FGFRL1: variants seen among roughly 807,000 people sequenced by gnomAD.
FGFRL1 encodes the protein fibroblast growth factor receptor-like 1.
Under a neutral mutation model 36.8 loss-of-function variants are expected in FGFRL1, and 24 were observed. The ratio of observed to expected loss-of-function variants is 0.65; its 90% CI spans 0.47 to 0.92. The LOEUF is 0.92. FGFRL1 is among the 40% of genes least tolerant of loss of function. The pLI is 0.00. For missense variants in FGFRL1, 785 were observed against 753.4 expected (o/e 1.04, Z -0.49); for synonymous variants, 422 against 344.1 (o/e 1.23, Z -2.50).
rs370871387 is a variant in FGFRL1, at chr4:1,025,379, G to A, written c.*32G>A. On this transcript the variant is annotated 3_prime_UTR_variant, in exon 7 of 7. Transcript: ENST00000510644. ...CCGTATCTGCAGTGGGCACGGGGGG[G>A]CCGGCCAGACAGGCAGACTGGGAGG... 1.1e-4 allele frequency: 163 copies of A among 1,514,716 alleles called. 1 individual carries two copies. The African/African-American group carries it at 1.7e-3, about 16-fold the overall frequency. The allele number at this position is 1,514,716 out of a possible 1,614,324, so 93.8% of individuals were successfully genotyped here.
upstream of FGFRL1, among the ~76,000 whole-genome samples, chr4:1,011,544 C>G (rs1577551987): frequency 1.3e-5 from 1 of 75,896 alleles, no homozygotes; most frequent in South Asian, 4.5e-4. Context: ...GGGCGGGGCA[C>G]GGGGGAGGGC....
At position 1,024,052 on chromosome 4, in the gene FGFRL1, G is replaced by A. The variant is rs1262523414; in HGVS notation, c.669G>A (p.Val223=). 6.2e-7 allele frequency: 1 copy of A among 1,606,496 alleles called. No homozygotes were observed. Residue 223 remains valine (V), a synonymous_variant, in exon 5 of 7, where the codon GTG becomes GTA. Coordinates refer to ENST00000510644, the MANE Select transcript of FGFRL1 (RefSeq NM_001004356.3). ...ACAGCGGCAAATACACCTGCCGCGT[G>A]TCGAACCGCGCGGGCGCCATCAACG... ...PEDSGKYTCR[V]SNRAGAINAT...
In FGFRL1 at chr4:1,022,472, C is replaced by T. The variant is rs1205837913; in HGVS notation, c.349C>T (p.Leu117=). The change falls in exon 3 of 7, where the codon CTG becomes TTG. Residue 117 remains leucine, a synonymous_variant. Transcript: ENST00000510644. Reference sequence around the variant, plus strand: ...GAGCGTCAACTACACCCTCGTCGTGCTGGGTTAGTCGCTGCTGCGGTCAGA... The same window carrying T: ...GAGCGTCAACTACACCCTCGTCGTGTTGGGTTAGTCGCTGCTGCGGTCAGA... ...SLSVNYTLVV[L]DDISPGKESL... 6.3e-7 allele frequency: 1 copy of T among 1,595,422 alleles called. No individual in the cohort carries two copies. The highest frequency in any genetic ancestry group is 1.7e-5 in the Admixed American group (1 of 59,230).
At chr4:1,021,653 G>A (rs1716186436) in intron 2 of FGFRL1, among the ~76,000 whole-genome samples, 1 of 152,180 alleles carries the variant, frequency 6.6e-6, no homozygotes, top group Non-Finnish European at 1.5e-5. Context: ...GGATAGCTGT[G>A]GGGTCGCTGG....
rs758783277 is a variant in FGFRL1, at chr4:1,023,969, G to A, written c.586G>A (p.Ala196Thr). 7 of 1,598,672 alleles carry A rather than the reference G, an allele frequency of 4.4e-6. No homozygotes were observed. In the East Asian group the frequency reaches 6.8e-5, roughly 16 times the overall value. ...CGACCAGGCCTTGACGCGCCCAGAG[G>A]CCGCTGAGCCCAGGAAGAAGAAGTG... ...KDDQALTRPE[A>T]AEPRKKKWTL... is the part of the protein sequence containing the mutation. Residue 196 changes from alanine to threonine, a missense_variant, in exon 5 of 7, where the codon GCC becomes ACC. Physicochemically the swap from Ala to Thr is moderately conservative, Grantham distance 58. Transcript: ENST00000510644. This position sits in a 1 kb window ranked among gnomAD's most constrained non-coding sequence, Gnocchi z 6.0.
chr4:1,021,632 C>G (rs188933917), intron 2 of FGFRL1, among the ~76,000 whole-genome samples: 5 of 152,264 alleles, frequency 3.3e-5, no homozygotes, highest in South Asian at 2.1e-4. Flanking sequence ...CCGCCGTGCT[C>G]GGTTGCTTGT....
In FGFRL1 at chr4:1,025,768, A is replaced by T; in HGVS notation, c.*421A>T. On this transcript the variant is annotated 3_prime_UTR_variant, in exon 7 of 7. Transcript: ENST00000510644. ...ACGGATATGCTGTCTGGACGCACAC[A>T]CGTGCAGATATGGTATCCGGACACA... is the stretch of plus-strand genomic sequence containing the variant. 4.0e-6 allele frequency: 1 copy of T among 248,210 alleles called. No homozygotes were observed. Among genetic ancestry groups the T allele is most frequent in the Non-Finnish European group, 7.6e-6 (1 of 131,718 alleles). The allele number at this position is 248,210 out of a possible 1,614,324, so 15.4% of individuals were successfully genotyped here. A position where few individuals can be genotyped will look rare whatever the true frequency, so the allele number is the denominator to read the frequency against.
At position 1,025,380 on chromosome 4, in the gene FGFRL1, C is replaced by T. The variant is rs1216202434; in HGVS notation, c.*33C>T. On this transcript the variant is annotated 3_prime_UTR_variant, in exon 7 of 7. Transcript: ENST00000510644. ...CGTATCTGCAGTGGGCACGGGGGGGCCGGCCAGACAGGCAGACTGGGAGGA... is the reference window on the plus strand; with the variant it reads ...CGTATCTGCAGTGGGCACGGGGGGGTCGGCCAGACAGGCAGACTGGGAGGA... 41 of 1,512,910 alleles carry T rather than the reference C, an allele frequency of 2.7e-5. No individual in the cohort carries two copies. Among genetic ancestry groups the T allele is most frequent in the Non-Finnish European group, 3.3e-5 (37 of 1,123,114 alleles). The allele number at this position is 1,512,910 out of a possible 1,614,324, so 93.7% of individuals were successfully genotyped here. A position where few individuals can be genotyped will look rare whatever the true frequency, so the allele number is the denominator to read the frequency against.
intron 5 of FGFRL1, 74 bp from the exon 6 acceptor site, chr4:1,024,237 G>T: frequency 6.8e-7 from 1 of 1,475,484 alleles, no homozygotes; most frequent in Non-Finnish European, 9.0e-7. Flanking sequence ...TGGGGGTGCT[G>T]GTGGGCCCAG....
At position 1,025,936 on chromosome 4, in the gene FGFRL1, G is replaced by A. The variant is rs1490229645; in HGVS notation, c.*589G>A. ...CACACACATGCAGATATGCTGCCTG[G>A]ACACACACTTCCAGACACACGTGCA... On this transcript the variant is annotated 3_prime_UTR_variant, in exon 7 of 7. Transcript: ENST00000510644. The A allele has an allele frequency of 6.1e-6, 1 of 162,810 alleles. No homozygotes were observed. Among genetic ancestry groups the A allele is most frequent in the East Asian group, 1.9e-4 (1 of 5,350 alleles). 10.1% of individuals were successfully genotyped at this position (162,810 alleles called of 1,614,324 possible). A position where few individuals can be genotyped will look rare whatever the true frequency, so the allele number is the denominator to read the frequency against.
chr4:1,018,133 C>A (rs891400100), intron 2 of FGFRL1, among the ~76,000 whole-genome samples: 5 of 152,160 alleles, frequency 3.3e-5, no homozygotes, highest in Non-Finnish European at 7.4e-5. Context: ...AAGGGCAGGC[C>A]GCAGGGGGTT....
Position 1,022,399 on chromosome 4 carries a change from G to A in FGFRL1, c.276G>A (p.Glu92=). ...TGAAGGTGAAGCAGGTGGAGCGGGAGGATGCCGGCGTGTACGTGTGCAAGG... is the reference window on the plus strand; with the variant it reads ...TGAAGGTGAAGCAGGTGGAGCGGGAAGATGCCGGCGTGTACGTGTGCAAGG... ...QGLKVKQVER[E]DAGVYVCKAT... The change falls in exon 3 of 7, where the codon GAG becomes GAA. Residue 92 remains glutamate, a synonymous_variant. Coordinates refer to ENST00000510644, the MANE Select transcript of FGFRL1 (RefSeq NM_001004356.3). 2 of 1,611,822 alleles carry A rather than the reference G, an allele frequency of 1.2e-6. No homozygotes were observed. Among genetic ancestry groups the A allele is most frequent in the Non-Finnish European group, 1.7e-6 (2 of 1,179,648 alleles).
intron 6 of FGFRL1, 47 bp downstream of exon 6, chr4:1,024,711 G>A (rs4647944): frequency 0.06 from 91,177 of 1,523,476 alleles, 2,988 homozygotes; most frequent in Middle Eastern, 0.14. Flanking sequence ...GCCCGGACCC[G>A]CCCCCTGGGC....
Position 1,025,376 on chromosome 4 carries a change from G to A in FGFRL1, c.*29G>A, listed in dbSNP as rs1435657071. 1 of 1,517,570 alleles carries A rather than the reference G, an allele frequency of 6.6e-7. No individual in the cohort carries two copies. The highest frequency in any genetic ancestry group is 8.9e-7 in the Non-Finnish European group (1 of 1,125,476). The allele number at this position is 1,517,570 out of a possible 1,614,324, so 94.0% of individuals were successfully genotyped here. ...GCACCGTATCTGCAGTGGGCACGGG[G>A]GGGCCGGCCAGACAGGCAGACTGGG... On this transcript the variant is annotated 3_prime_UTR_variant, in exon 7 of 7. Transcript: ENST00000510644.
intron 6 of FGFRL1, 51 bp downstream of exon 6, chr4:1,024,715 C>A: frequency 6.6e-7 from 1 of 1,521,770 alleles, no homozygotes; most frequent in Non-Finnish European, 8.8e-7. Flanking sequence ...GGACCCGCCC[C>A]CTGGGCCCGG....
Position 1,025,520 on chromosome 4 carries a change from C to T in FGFRL1, c.*173C>T. On this transcript the variant is annotated 3_prime_UTR_variant, in exon 7 of 7. Coordinates refer to ENST00000510644, the MANE Select transcript of FGFRL1 (RefSeq NM_001004356.3). ...CTGGACACACACACACAGACACACA[C>T]ACTGCCTGGATGCATGTATGCACAC... The T allele has an allele frequency of 3.8e-6, 3 of 785,986 alleles. No individual in the cohort carries two copies. Among genetic ancestry groups the T allele is most frequent in the South Asian group, 1.9e-5 (1 of 54,052 alleles). 48.7% of individuals were successfully genotyped at this position (785,986 alleles called of 1,614,324 possible).
chr4:1,018,946 G>A (rs1370979912), intron 2 of FGFRL1, among the ~76,000 whole-genome samples: 1 of 152,176 alleles, frequency 6.6e-6, no homozygotes, highest in Non-Finnish European at 1.5e-5. Flanking sequence ...TTTAGGATAA[G>A]CCTGGCTCCT....
chr4:1,018,123 A>G (rs1018330900), intron 2 of FGFRL1, among the ~76,000 whole-genome samples: 5 of 152,070 alleles, frequency 3.3e-5, no homozygotes, highest in Admixed American at 2.0e-4. Flanking sequence ...GAAGACGGGG[A>G]AGGGCAGGCC....
intron 2 of FGFRL1, among the ~76,000 whole-genome samples, chr4:1,015,258 C>T (rs1189266415): frequency 7.9e-5 from 12 of 152,226 alleles, no homozygotes; most frequent in Non-Finnish European, 1.8e-4. Flanking sequence ...AGGTGACAGC[C>T]TCAGCGGGTC....
Sources: gnomAD v4.1 joint callset for allele counts (sites outside exome capture counted in the v4.1 genomes callset) on GRCh38, gnomAD v4.1.1 for gene constraint, Gnocchi (gnomAD v3.1) non-coding constraint, MANE v1.5 for transcripts, NCBI Gene and HGNC (gene_info 2026-07-23, HGNC 2026-07-21) for gene names.